MDGA2: variants seen among roughly 807,000 people sequenced by gnomAD.
MDGA2 encodes MAM domain-containing glycosylphosphatidylinositol anchor protein 2.
A neutral mutation model predicts 117.8 loss-of-function variants in MDGA2; 40 were observed. The ratio of observed to expected loss-of-function variants is 0.34; its 90% confidence interval spans 0.26 to 0.44. The LOEUF (loss-of-function observed/expected upper bound fraction) is 0.44. Among genes scored for constraint, MDGA2 ranks in the 20% least tolerant of loss-of-function variants. MDGA2 has a pLI of 1.00. For missense variants in MDGA2, 1,123 were observed against 1,250.6 expected (o/e 0.90, Z 1.54); for synonymous variants, 452 against 439.0 (o/e 1.03, Z -0.37).
intron 1 of MDGA2, among the ~76,000 whole-genome samples, chr14:47,670,027 G>C (rs1259774821): frequency 6.6e-6 from 1 of 152,084 alleles, no homozygotes; most frequent in East Asian, 1.9e-4. Flanking sequence ...GAGCTTTCTT[G>C]TGTCACTTAT....
chr14:47,426,048 C>T (rs1422005311), intron 1 of MDGA2, among the ~76,000 whole-genome samples: 4 of 151,982 alleles, frequency 2.6e-5, no homozygotes, highest in African/African-American at 4.8e-5. Flanking sequence ...CTGACTTACA[C>T]AGCCCGGATG....
At chr14:47,418,429 C>G (rs1381571869) in intron 1 of MDGA2, among the ~76,000 whole-genome samples, 1 of 152,156 alleles carries the variant, frequency 6.6e-6, no homozygotes, top group Non-Finnish European at 1.5e-5. Flanking sequence ...AGTCCAAGAT[C>G]AAGGTGCTGA....
chr14:47,671,228 T>C (rs1354452637), intron 1 of MDGA2, among the ~76,000 whole-genome samples: 2 of 152,220 alleles, frequency 1.3e-5, no homozygotes, highest in East Asian at 3.8e-4. Context: ...CTAAGCACTA[T>C]TCCCAGATAA....
intron 1 of MDGA2, among the ~76,000 whole-genome samples, chr14:47,341,114 A>C (rs1186602769): frequency 1.3e-5 from 2 of 152,194 alleles, no homozygotes; most frequent in Admixed American, 6.5e-5. Context: ...TTCATCTGCT[A>C]TCTTATAATG....
chr14:47,190,888 T>C (rs1392727174), intron 3 of MDGA2, among the ~76,000 whole-genome samples: 1 of 152,150 alleles, frequency 6.6e-6, no homozygotes, highest in African/African-American at 2.4e-5. Flanking sequence ...GGATTTTCAA[T>C]CTTATTACAC....
intron 16 of MDGA2, among the ~76,000 whole-genome samples, chr14:46,844,683 CAA>C (rs984902361): frequency 6.6e-6 from 1 of 152,140 alleles, no homozygotes; most frequent in Non-Finnish European, 1.5e-5. Flanking sequence ...TGTCCTCACA[CAA>C]GTCTCATCTT....
intron 2 of MDGA2, among the ~76,000 whole-genome samples, chr14:47,226,149 T>A (rs1263124947): frequency 6.6e-6 from 1 of 150,978 alleles, no homozygotes; most frequent in Non-Finnish European, 1.5e-5. Context: ...ATAAAAAAAT[T>A]TCCTAGCTGC....
chr14:47,219,620 T>TACAGTAG (rs1886225415), intron 2 of MDGA2, among the ~76,000 whole-genome samples: 1 of 152,002 alleles, frequency 6.6e-6, no homozygotes, highest in Non-Finnish European at 1.5e-5. Flanking sequence ...TGCAAAATAA[T>TACAGTAG]GCATAGAAAT....
chr14:46,946,045 C>A (rs114653882), intron 9 of MDGA2, among the ~76,000 whole-genome samples: 1 of 151,890 alleles, frequency 6.6e-6, no homozygotes, highest in Admixed American at 6.6e-5. Flanking sequence ...AAGAAAAAAA[C>A]AAATAATATG....
intron 1 of MDGA2, among the ~76,000 whole-genome samples, chr14:47,372,671 T>A (rs2138396014): frequency 6.6e-6 from 1 of 152,088 alleles, no homozygotes; most frequent in East Asian, 1.9e-4. Context: ...ATAGTAAATT[T>A]AAGAATTACT....
intron 10 of MDGA2, among the ~76,000 whole-genome samples, chr14:46,918,691 A>G (rs1382506244): frequency 6.6e-6 from 1 of 151,534 alleles, no homozygotes; most frequent in Non-Finnish European, 1.5e-5. Context: ...TGTTTTCACT[A>G]GGAAAAGCTC....
At chr14:47,118,492 C>T (rs929719963) in intron 5 of MDGA2, among the ~76,000 whole-genome samples, 10 of 152,118 alleles carry the variant, frequency 6.6e-5, no homozygotes, top group African/African-American at 2.4e-4. Flanking sequence ...GAAAATACAG[C>T]TTTCAAATTC....
chr14:47,562,131 G>C (rs1895828398), intron 1 of MDGA2, among the ~76,000 whole-genome samples: 1 of 152,184 alleles, frequency 6.6e-6, no homozygotes, highest in South Asian at 2.1e-4. Context: ...CAGTTTGGTA[G>C]TATTTTGTTG....
chr14:47,133,460 GA>G (rs997872107), intron 4 of MDGA2, among the ~76,000 whole-genome samples: 1 of 151,732 alleles, frequency 6.6e-6, no homozygotes, highest in African/African-American at 2.4e-5. Flanking sequence ...CTCTCAATAC[GA>G]CTAGTGTTAT....
At chr14:47,252,114 G>A (rs941505816) in intron 2 of MDGA2, among the ~76,000 whole-genome samples, 1 of 151,994 alleles carries the variant, frequency 6.6e-6, no homozygotes, top group African/African-American at 2.4e-5. Context: ...TGGTAAAATA[G>A]TGGTCACTTT....
Position 47,014,366 on chromosome 14 carries a change from G to A in MDGA2, c.1819+20645C>T, listed in dbSNP as rs922974207. ...CCAGCTACATTAGCCCCTAACAAGCGATTCAGCCTATCCTTTGAAGTTTTG... is the reference window on the plus strand; with the variant it reads ...CCAGCTACATTAGCCCCTAACAAGCAATTCAGCCTATCCTTTGAAGTTTTG... On this transcript the variant is annotated intron_variant, in intron 8 of 16. Coordinates refer to ENST00000399232, the MANE Select transcript of MDGA2 (RefSeq NM_001113498.3). Among the ~76,000 whole-genome samples the A allele has an allele frequency of 7.9e-5, 12 of 152,128 alleles. No homozygotes were observed. The South Asian group carries it at 1.4e-3, about 18-fold the overall frequency.
intron 1 of MDGA2, among the ~76,000 whole-genome samples, chr14:47,323,773 A>C (rs1205811901): frequency 6.6e-6 from 1 of 152,230 alleles, no homozygotes; most frequent in Non-Finnish European, 1.5e-5. Context: ...TGAAACTGGA[A>C]GCTGGCAAAA....
chr14:47,035,235 A>T lies in MDGA2; in HGVS notation c.1595T>A (p.Leu532Gln), dbSNP rs765148498. Residue 532 changes from leucine (L) to glutamine (Q), a missense_variant, in exon 8 of 17, where the codon CTG becomes CAG. Coordinates refer to ENST00000399232, the MANE Select transcript of MDGA2 (RefSeq NM_001113498.3). ...LVTREGDTIELQCQVTGKPKP... is the reference protein window; with the variant it reads ...LVTREGDTIEQQCQVTGKPKP... ...AGGTTTGCCAGTTACTTGACATTGC[A>T]GTTCTATTGTGTCTCCTTCTCTGGT... The T allele has an allele frequency of 6.2e-7, 1 of 1,614,146 alleles. No individual in the cohort carries two copies. The highest frequency in any genetic ancestry group is 1.1e-5 in the South Asian group (1 of 91,088).
chr14:46,941,647 C>T (rs1316380758), intron 9 of MDGA2, among the ~76,000 whole-genome samples: 1 of 152,078 alleles, frequency 6.6e-6, no homozygotes, highest in Non-Finnish European at 1.5e-5. Context: ...CAATTTCTAC[C>T]GGAAAATCTA....
Sources: allele counts gnomAD v4.1 joint callset (sites outside exome capture counted in the v4.1 genomes callset), GRCh38; gene constraint gnomAD v4.1.1; transcripts MANE v1.5; gene names NCBI Gene and HGNC (gene_info 2026-07-23, HGNC 2026-07-21).